The following SULF2 variants were observed in gnomAD, a reference collection of about 807,000 sequenced individuals.
SULF2 encodes the protein extracellular sulfatase Sulf-2.
In SULF2, 52 loss-of-function variants were observed where a neutral mutation model predicts 107.7. The ratio of observed to expected loss-of-function variants is 0.48; its 90% CI spans 0.39 to 0.61. SULF2 has a LOEUF of 0.61. SULF2 is among the 20% of genes least tolerant of loss of function. The probability of loss-of-function intolerance (pLI) is 0.00; values close to 1 mark genes in which losing one functional copy is unlikely to be tolerated. For synonymous variants in SULF2, 460 were observed against 464.3 expected (o/e 0.99, Z 0.12); for missense variants, 993 against 1,177.3 (o/e 0.84, Z 2.29).
chr20:47,669,744 A>G (rs531113300), intron 11 of SULF2, among the ~76,000 whole-genome samples: 1 of 152,216 alleles, frequency 6.6e-6, no homozygotes, highest in Non-Finnish European at 1.5e-5. Context: ...CGGCTCTGAC[A>G]TTACACTCAC....
rs1486315607 is a variant in SULF2, at chr20:47,678,161, T to C, written c.1193+515A>G. The C allele has an allele frequency of 6.5e-6, 1 of 153,674 alleles. No homozygotes were observed. Among genetic ancestry groups the C allele is most frequent in the East Asian group, 1.9e-4 (1 of 5,238 alleles). The allele number at this position is 153,674 out of a possible 1,614,324, so 9.5% of individuals were successfully genotyped here. A position where few individuals can be genotyped will look rare whatever the true frequency, so the allele number is the denominator to read the frequency against. The stretch of plus-strand genomic sequence containing the variant: ...ATGTTCCCATCACACCCTCCAGCAT[T>C]AAAGTTATGGGGCGTGGTGAGTCAG... On this transcript the variant is annotated intron_variant, in intron 8 of 20. Transcript: ENST00000688720. The surrounding 1 kb of genome is among the most constrained non-coding windows in gnomAD (Gnocchi z 4.5).
chr20:47,662,736 G>A (rs1201321837), intron 17 of SULF2, among the ~76,000 whole-genome samples: 1 of 151,950 alleles, frequency 6.6e-6, no homozygotes, highest in African/African-American at 2.4e-5. Context: ...CCTGCAGTGG[G>A]TGATATTTGG....
chr20:47,752,565 T>TAA (rs11319849), intron 2 of SULF2, among the ~76,000 whole-genome samples: 6 of 132,134 alleles, frequency 4.5e-5, no homozygotes, highest in East Asian at 2.2e-4. Flanking sequence ...AGCCCATCTC[T>TAA]AAAAAAAAAA....
At position 47,771,521 on chromosome 20, in the gene SULF2, GC is replaced by G. The variant is rs1459479277; in HGVS notation, c.-101+13821del. ...AATAAGACCTCGTTTGGGGAAAAAG[GC>G]CCCAACCTCCCCCAGCTCTTCCCTT... On this transcript the variant is annotated intron_variant, in intron 1 of 20. Transcript: ENST00000688720. Among the ~76,000 whole-genome samples the G allele has an allele frequency of 3.9e-5, 6 of 152,106 alleles. No homozygotes were observed. The East Asian group carries it at 1.2e-3, about 29-fold the overall frequency.
chr20:47,727,979 C>T (rs1442896681), intron 3 of SULF2, among the ~76,000 whole-genome samples: 1 of 152,210 alleles, frequency 6.6e-6, no homozygotes, highest in Non-Finnish European at 1.5e-5. Flanking sequence ...CTCGAGGACA[C>T]GCTGGGTCAG....
At position 47,726,503 on chromosome 20, in the gene SULF2, A is replaced by G. The variant is rs144937157; in HGVS notation, c.415+10200T>C. ...GTGCCGGGATTACAGGCCCAGCCAT[A>G]GGCTCTATTCTCCTGCTGTCCAAGA... On this transcript the variant is annotated intron_variant, in intron 3 of 20. Transcript: ENST00000688720. Among the ~76,000 whole-genome samples the G allele has an allele frequency of 2.3e-3, 343 of 152,236 alleles. 3 individuals are homozygous for G. Among genetic ancestry groups the G allele is most frequent in the South Asian group, 9.7e-3 (47 of 4,824 alleles).
At chr20:47,716,683 C>T (rs1410263813) in intron 3 of SULF2, among the ~76,000 whole-genome samples, 1 of 151,992 alleles carries the variant, frequency 6.6e-6, no homozygotes. Flanking sequence ...GGTTGTTTAA[C>T]ATGAAAAATC....
At chr20:47,659,131 T>C (rs2086985904) in intron 20 of SULF2, among the ~76,000 whole-genome samples, 1 of 152,230 alleles carries the variant, frequency 6.6e-6, no homozygotes, top group Non-Finnish European at 1.5e-5. Context: ...AATATTTAAA[T>C]GCTTCTCAAC....
chr20:47,734,900 C>A (rs2089693636), intron 3 of SULF2, among the ~76,000 whole-genome samples: 1 of 152,150 alleles, frequency 6.6e-6, no homozygotes, highest in Non-Finnish European at 1.5e-5. Flanking sequence ...CATTCAAGGA[C>A]AAGTTTGGGA....
intron 5 of SULF2, among the ~76,000 whole-genome samples, chr20:47,688,584 C>T (rs2088092503): frequency 1.3e-5 from 2 of 152,184 alleles, no homozygotes; most frequent in Admixed American, 1.3e-4. Context: ...CCACCCGCTG[C>T]AGGGATGAGT....
At chr20:47,728,506 G>C (rs983025574) in intron 3 of SULF2, among the ~76,000 whole-genome samples, 7 of 152,096 alleles carry the variant, frequency 4.6e-5, no homozygotes, top group African/African-American at 1.7e-4. Flanking sequence ...TGGGCTGCTG[G>C]CGGGGACAGA....
Position 47,680,743 on chromosome 20 carries a change from C to T in SULF2, c.1065-1939G>A, listed in dbSNP as rs999072844. On this transcript the variant is annotated intron_variant, in intron 7 of 20. Coordinates refer to ENST00000688720, the MANE Select transcript of SULF2 (RefSeq NM_001387048.1). This position sits in a 1 kb window ranked among gnomAD's most constrained non-coding sequence, Gnocchi z 4.2. ...GGGAGCTGGGAAGACTGCTGAGCGA[C>T]GGGCGCTCTGCAGAACCCAGCAACC... Among the ~76,000 whole-genome samples, 4 of 152,192 alleles carry T rather than the reference C, an allele frequency of 2.6e-5. No individual in the cohort carries two copies. The highest frequency in any genetic ancestry group is 4.8e-5 in the African/African-American group (2 of 41,446).
intron 5 of SULF2, among the ~76,000 whole-genome samples, chr20:47,688,228 C>A (rs2088079919): frequency 6.6e-6 from 1 of 152,126 alleles, no homozygotes. Flanking sequence ...CTCTCCACCC[C>A]TTCTTGACTG....
rs147928671 is a variant in SULF2, at chr20:47,694,502, T to C, written c.568-4207A>G. The stretch of plus-strand genomic sequence containing the variant: ...ATGGGTGGAGGTCCACAGGCCCAGG[T>C]GCATTTTCCAGAACCCGGCGCCCAG... On this transcript the variant is annotated intron_variant, in intron 4 of 20. Coordinates refer to ENST00000688720, the MANE Select transcript of SULF2 (RefSeq NM_001387048.1). This position sits in a 1 kb window ranked among gnomAD's most constrained non-coding sequence, Gnocchi z 4.4. Among the ~76,000 whole-genome samples the C allele has an allele frequency of 6.6e-6, 1 of 151,944 alleles. No homozygotes were observed. Among genetic ancestry groups the C allele is most frequent in the Non-Finnish European group, 1.5e-5 (1 of 67,972 alleles).
At chr20:47,768,393 T>C (rs559049790) in intron 1 of SULF2, among the ~76,000 whole-genome samples, 7 of 152,370 alleles carry the variant, frequency 4.6e-5, no homozygotes, top group Non-Finnish European at 7.3e-5. Context: ...TACTTTTGAC[T>C]CTTCAAGATC....
intron 2 of SULF2, among the ~76,000 whole-genome samples, chr20:47,742,490 A>AC (rs2089908471): frequency 1.3e-5 from 2 of 151,790 alleles, no homozygotes; most frequent in African/African-American, 2.4e-5. Flanking sequence ...GAGAGGCCTC[A>AC]CCCCCAGGCC....
At chr20:47,737,286 A>T (rs1418683738) in intron 2 of SULF2, among the ~76,000 whole-genome samples, 1 of 151,354 alleles carries the variant, frequency 6.6e-6, no homozygotes, top group African/African-American at 2.4e-5. Flanking sequence ...TTTATAAATG[A>T]CCTGAGACTG....
chr20:47,663,097 G>C lies in SULF2; in HGVS notation c.2343C>G (p.Tyr781Ter). ...FCEFATGFLE[Y>*]FDLNTDPYQL... Reference sequence around the variant, plus strand: ...GGTAGGGGTCTGTGTTGAGATCAAAGTACTCTAGGAAGCCAGTTGCAAATT... The same window carrying C: ...GGTAGGGGTCTGTGTTGAGATCAAACTACTCTAGGAAGCCAGTTGCAAATT... Residue 781 changes from tyrosine (Y) to a stop codon, truncating the protein, a stop_gained, in exon 17 of 21, where the codon TAC becomes TAG. Transcript: ENST00000688720. LOFTEE classifies it high-confidence loss of function. 1 of 1,614,144 alleles carries C rather than the reference G, an allele frequency of 6.2e-7. No individual in the cohort carries two copies. Among genetic ancestry groups the C allele is most frequent in the Non-Finnish European group, 8.5e-7 (1 of 1,180,024 alleles).
chr20:47,672,147 C>T (rs778138926), intron 11 of SULF2, 51 bp downstream of exon 11: 32 of 1,543,524 alleles, frequency 2.1e-5, no homozygotes, highest in East Asian at 2.3e-5. Context: ...TGGGGCCCCC[C>T]AGGCATGGTC....
Sources: allele counts gnomAD v4.1 joint callset (sites outside exome capture counted in the v4.1 genomes callset), GRCh38; gene constraint gnomAD v4.1.1; non-coding constraint Gnocchi (gnomAD v3.1); transcripts MANE v1.5; gene names NCBI Gene and HGNC (gene_info 2026-07-23, HGNC 2026-07-21).